Variants in BRD10 observed in about 807,000 individuals in gnomAD.
The protein encoded by BRD10 is bromodomain containing 10.
At chr9:6,006,696 T>A in the BRD10 span, among the ~76,000 whole-genome samples, 2 of 152,224 alleles carry the variant, frequency 1.3e-5, no homozygotes, top group South Asian at 4.1e-4. Context: ...ATTAACCATT[T>A]AGTAACACTC....
the BRD10 span, among the ~76,000 whole-genome samples, chr9:5,885,557 GA>G: frequency 3.9e-5 from 6 of 151,950 alleles, no homozygotes; most frequent in African/African-American, 1.5e-4. Flanking sequence ...ATTTTTAGTA[GA>G]GACGGGTTTT....
the BRD10 span, among the ~76,000 whole-genome samples, chr9:5,927,012 A>AGT: frequency 6.6e-6 from 1 of 152,142 alleles, no homozygotes; most frequent in East Asian, 1.9e-4. Flanking sequence ...GAAGCACATG[A>AGT]GGGCTGTGAA....
At chr9:6,008,144 C>A in the BRD10 span, 25 of 981,604 alleles carry the variant, frequency 2.5e-5, no homozygotes, top group African/African-American at 4.0e-4. Flanking sequence ...GGCCTCGGCG[C>A]CCCACCCCCT....
chr9:5,903,548 T>C, the BRD10 span, among the ~76,000 whole-genome samples: 6 of 152,222 alleles, frequency 3.9e-5, no homozygotes, highest in Admixed American at 2.6e-4. Flanking sequence ...ACTGATTTTT[T>C]ACCTGCTGGC....
At chr9:5,890,178 T>C in the BRD10 span, among the ~76,000 whole-genome samples, 1 of 152,184 alleles carries the variant, frequency 6.6e-6, no homozygotes, top group Non-Finnish European at 1.5e-5. Flanking sequence ...AGCGTGATGA[T>C]TGGGTTTCCA....
chr9:5,922,843 T>A, the BRD10 span: 1 of 1,614,022 alleles, frequency 6.2e-7, no homozygotes, highest in Non-Finnish European at 8.5e-7. Flanking sequence ...GGCAGGTCAA[T>A]GCTGGCTTTA....
At chr9:5,911,152 C>G in the BRD10 span, among the ~76,000 whole-genome samples, 1 of 152,312 alleles carries the variant, frequency 6.6e-6, no homozygotes, top group African/African-American at 2.4e-5. Flanking sequence ...CCAACGCTTT[C>G]TTTTAGCAGT....
the BRD10 span, among the ~76,000 whole-genome samples, chr9:5,927,141 C>G: frequency 6.6e-6 from 1 of 152,082 alleles, no homozygotes. Flanking sequence ...CCTTCTCACT[C>G]TCAGTAACCT....
the BRD10 span, among the ~76,000 whole-genome samples, chr9:5,892,150 C>G: frequency 6.6e-6 from 1 of 152,194 alleles, no homozygotes. Flanking sequence ...AAATTGAAGG[C>G]AAATGAGGAA....
At chr9:5,939,553 T>C in the BRD10 span, among the ~76,000 whole-genome samples, 1 of 152,236 alleles carries the variant, frequency 6.6e-6, no homozygotes, top group Non-Finnish European at 1.5e-5. Context: ...CAAGTCTTAA[T>C]TAGAAGTATA....
chr9:5,905,819 A>T, the BRD10 span, among the ~76,000 whole-genome samples: 2 of 152,204 alleles, frequency 1.3e-5, no homozygotes, highest in African/African-American at 4.8e-5. Flanking sequence ...ATCATAACCC[A>T]ACCACCTCAG....
chr9:5,924,625 A>G, the BRD10 span: 2 of 1,312,136 alleles, frequency 1.5e-6, no homozygotes, highest in East Asian at 5.0e-5. Flanking sequence ...TTGTGCCTTC[A>G]GTGTTGACTT....
chr9:5,994,401 A>C, the BRD10 span, among the ~76,000 whole-genome samples: 1 of 152,202 alleles, frequency 6.6e-6, no homozygotes, highest in African/African-American at 2.4e-5. Flanking sequence ...CCTCACACAC[A>C]AAAAGGTTTT....
chr9:5,987,034 T>A, the BRD10 span, among the ~76,000 whole-genome samples: 5 of 152,214 alleles, frequency 3.3e-5, no homozygotes, highest in Non-Finnish European at 5.9e-5. Context: ...GTTCCAATCT[T>A]GAGTTCACTA....
the BRD10 span, among the ~76,000 whole-genome samples, chr9:5,894,044 A>G: frequency 6.6e-6 from 1 of 152,148 alleles, no homozygotes; most frequent in Non-Finnish European, 1.5e-5. The surrounding 1 kb of genome is among the most constrained non-coding windows in gnomAD (Gnocchi z 4.0). Flanking sequence ...GTTTGCCTCC[A>G]GAGTCCATGC....
At chr9:6,005,328 T>C in the BRD10 span, among the ~76,000 whole-genome samples, 5 of 151,976 alleles carry the variant, frequency 3.3e-5, no homozygotes, top group Admixed American at 2.6e-4. Flanking sequence ...CTGGCCAACA[T>C]GGCGAAACCC....
chr9:5,946,261 A>G, the BRD10 span, among the ~76,000 whole-genome samples: 1 of 152,118 alleles, frequency 6.6e-6, no homozygotes, highest in African/African-American at 2.4e-5. Context: ...GAATATCTAT[A>G]TAATTTCAAA....
the BRD10 span, among the ~76,000 whole-genome samples, chr9:6,000,669 AAT>A: frequency 1.6e-5 from 2 of 128,230 alleles, no homozygotes; most frequent in African/African-American, 4.9e-5. Context: ...CTTTTTAAAT[AAT>A]AGTCTGTAAG....
chr9:5,985,753 C>T, the BRD10 span, among the ~76,000 whole-genome samples: 1 of 150,922 alleles, frequency 6.6e-6, no homozygotes, highest in Non-Finnish European at 1.5e-5. Context: ...CCACTGCACT[C>T]CAGCCTGGGC....
Sources: allele counts gnomAD v4.1 joint callset (sites outside exome capture counted in the v4.1 genomes callset), GRCh38; gene constraint gnomAD v4.1.1; non-coding constraint Gnocchi (gnomAD v3.1); transcripts MANE v1.5; gene names NCBI Gene and HGNC (gene_info 2026-07-23, HGNC 2026-07-21).